GYS2: variants seen among roughly 807,000 people sequenced by gnomAD.
GYS2 encodes the protein glycogen [starch] synthase, liver.
Under a neutral mutation model 85.6 loss-of-function variants are expected in GYS2, and 80 were observed. That is an observed-to-expected ratio of 0.93 (90% CI 0.78 to 1.13). The LOEUF (loss-of-function observed/expected upper bound fraction) is 1.13, where lower values mean the gene tolerates loss of function less well. Ranked by LOEUF, GYS2 falls within the 50% of genes most tolerant of loss-of-function variation. The pLI, the probability that GYS2 is intolerant of heterozygous loss-of-function variation, is 0.00. For missense variants in GYS2, 881 were observed against 854.9 expected (o/e 1.03, Z -0.38); for synonymous variants, 328 against 300.7 (o/e 1.09, Z -0.94).
chr12:21,590,734 G>T (rs1458224653), intron 1 of GYS2, among the ~76,000 whole-genome samples: 1 of 152,128 alleles, frequency 6.6e-6, no homozygotes, highest in Non-Finnish European at 1.5e-5. Flanking sequence ...GGGGCCCAAG[G>T]ACAGGAATGC....
chr12:21,572,873 T>TTA (rs2136900929), intron 4 of GYS2, among the ~76,000 whole-genome samples: 1 of 152,326 alleles, frequency 6.6e-6, no homozygotes, highest in South Asian at 2.1e-4. Context: ...GCCACTCTAA[T>TTA]ATTTTCTCCT....
intron 1 of GYS2, among the ~76,000 whole-genome samples, chr12:21,584,339 G>A (rs922836323): frequency 1.3e-5 from 2 of 149,920 alleles, no homozygotes; most frequent in Non-Finnish European, 3.0e-5. Context: ...TCTATGATTA[G>A]TCAAAAACTA....
intron 1 of GYS2, 54 bp from the exon 2 acceptor site, chr12:21,580,577 G>A (rs957115999): frequency 1.8e-5 from 23 of 1,309,546 alleles, no homozygotes; most frequent in Middle Eastern, 1.9e-4. Context: ...TTTGTTTAAA[G>A]TAATAAGGGA....
At chr12:21,537,617 C>G (rs1439231153) in intron 15 of GYS2, among the ~76,000 whole-genome samples, 1 of 152,116 alleles carries the variant, frequency 6.6e-6, no homozygotes, top group Non-Finnish European at 1.5e-5. Context: ...CTCTAAGTCT[C>G]AAATTTGTTC....
At chr12:21,583,092 T>C (rs888932994) in intron 1 of GYS2, among the ~76,000 whole-genome samples, 8 of 152,162 alleles carry the variant, frequency 5.3e-5, no homozygotes, top group African/African-American at 1.7e-4. Context: ...TTGCTCACCT[T>C]TCACTTCCAC....
chr12:21,582,580 G>T (rs920777132), intron 1 of GYS2, among the ~76,000 whole-genome samples: 1 of 143,918 alleles, frequency 6.9e-6, no homozygotes, highest in Non-Finnish European at 1.5e-5. Flanking sequence ...TATAGATATA[G>T]AGATAGATAT....
chr12:21,575,995 A>AT lies in GYS2; in HGVS notation c.365dup (p.Tyr122Ter). 1 of 1,613,890 alleles carries AT rather than the reference A, an allele frequency of 6.2e-7. No individual in the cohort carries two copies. The change falls in exon 3 of 16, where the codon TAT (tyrosine) becomes TAAT (stop). Residue 122 changes from tyrosine (Y) to a stop codon, truncating the protein, a stop_gained and frameshift_variant. Transcript: ENST00000261195. LOFTEE classifies it high-confidence loss of function. ...SPYVVLFDIGYSAWNLDRWKG... is the reference protein window; with the variant it reads ...SPYVVLFDIG ...TCCACCTGTCCAGATTCCAAGCTGA[A>AT]TAGCCTATGTCAAAAAGTACCACAT...
At chr12:21,577,911 T>TA (rs1373180054) in intron 2 of GYS2, among the ~76,000 whole-genome samples, 1 of 152,218 alleles carries the variant, frequency 6.6e-6, no homozygotes, top group Non-Finnish European at 1.5e-5. Context: ...AAGATAAGGT[T>TA]ACTTTTTGAC....
At chr12:21,533,703 C>G (rs1327924955), downstream of GYS2, among the ~76,000 whole-genome samples, 16 of 152,208 alleles carry the variant, frequency 1.1e-4, no homozygotes, top group Admixed American at 1.0e-3. Context: ...ATGTTCTCAT[C>G]TGCATATATA....
At position 21,568,963 on chromosome 12, in the gene GYS2, T is replaced by A. The variant is rs1944355296; in HGVS notation, c.725A>T (p.Tyr242Phe). Reference protein sequence around the residue: ...EAGERQIYHRYCMERASVHCA... With the variant: ...EAGERQIYHRFCMERASVHCA... Reference sequence around the variant, plus strand: ...ATGAACGGAAGCTCGCTCCATGCAGTACCGGTGGTAAATCTGCCTTTCCCC... The same window carrying A: ...ATGAACGGAAGCTCGCTCCATGCAGAACCGGTGGTAAATCTGCCTTTCCCC... Residue 242 changes from tyrosine (Y) to phenylalanine (F), a missense_variant, in exon 5 of 16, where the codon TAC (tyrosine) becomes TTC (phenylalanine). Tyr to Phe is a conservative substitution (Grantham distance 22). Transcript: ENST00000261195. The A allele has an allele frequency of 1.2e-6, 2 of 1,613,810 alleles. No individual in the cohort carries two copies. The highest frequency in any genetic ancestry group is 2.2e-5 in the South Asian group (2 of 91,080).
intron 4 of GYS2, among the ~76,000 whole-genome samples, chr12:21,570,830 T>G (rs1189105455): frequency 6.6e-6 from 1 of 152,300 alleles, no homozygotes; most frequent in East Asian, 1.9e-4. Flanking sequence ...AAGTGTTTAT[T>G]TAGAGGTGTG....
intron 1 of GYS2, among the ~76,000 whole-genome samples, chr12:21,603,130 A>C (rs1944771840): frequency 6.6e-6 from 1 of 152,160 alleles, no homozygotes; most frequent in Non-Finnish European, 1.5e-5. Flanking sequence ...TTAAAAACAC[A>C]TGCTCATTTC....
At chr12:21,532,941 T>C (rs1292179668), downstream of GYS2, 2 of 152,236 alleles carry the variant, frequency 1.3e-5, no homozygotes, top group Non-Finnish European at 2.9e-5. Context: ...AAGGTCCCTC[T>C]TCCCAATTTT....
intron 5 of GYS2, among the ~76,000 whole-genome samples, chr12:21,564,639 T>A (rs1046759227): frequency 6.6e-6 from 1 of 152,176 alleles, no homozygotes; most frequent in Admixed American, 6.5e-5. Flanking sequence ...AGGTTTCCAG[T>A]GAAAGCTTTC....
chr12:21,586,583 T>A (rs1255502405), intron 1 of GYS2, among the ~76,000 whole-genome samples: 1 of 151,994 alleles, frequency 6.6e-6, no homozygotes, highest in African/African-American at 2.4e-5. Flanking sequence ...AAGTTCAACA[T>A]CACTAATAAT....
At chr12:21,568,319 C>T (rs755221219) in intron 5 of GYS2, among the ~76,000 whole-genome samples, 3 of 152,110 alleles carry the variant, frequency 2.0e-5, no homozygotes, top group Non-Finnish European at 2.9e-5. Flanking sequence ...AGATGTCTTC[C>T]TTTGGGCCAA....
At chr12:21,560,688 T>A (rs1312621609) in intron 7 of GYS2, among the ~76,000 whole-genome samples, 196 bp from the exon 8 acceptor site, 3 of 152,252 alleles carry the variant, frequency 2.0e-5, no homozygotes, top group South Asian at 4.1e-4. Flanking sequence ...AAATAAATTT[T>A]AAATTTTCAG....
chr12:21,577,687 G>A (rs538544312), intron 2 of GYS2, among the ~76,000 whole-genome samples: 2 of 152,128 alleles, frequency 1.3e-5, no homozygotes, highest in Admixed American at 1.3e-4. Flanking sequence ...TTTAAACCTT[G>A]CATGCACCTC....
At position 21,546,154 on chromosome 12, in the gene GYS2, T is replaced by A. The variant is rs138745444; in HGVS notation, c.1549+190A>T. On this transcript the variant is annotated intron_variant, in intron 12 of 15. Transcript: ENST00000261195. ...CCGTGGTATACTTATATAATCTTCA[T>A]CCTTATTCTTAAGTAATTATCTACA... Among the ~76,000 whole-genome samples, 9 of 152,258 alleles carry A rather than the reference T, an allele frequency of 5.9e-5. No homozygotes were observed. The East Asian group carries it at 1.2e-3, about 20-fold the overall frequency.
Sources: gnomAD v4.1 joint callset for allele counts (sites outside exome capture counted in the v4.1 genomes callset) on GRCh38, gnomAD v4.1.1 for gene constraint, MANE v1.5 for transcripts, NCBI Gene and HGNC (gene_info 2026-07-23, HGNC 2026-07-21) for gene names.